Variants in IL1RAPL2 observed in about 807,000 individuals in gnomAD.
IL1RAPL2 encodes the protein interleukin 1 receptor accessory protein like 2, also known as X-linked interleukin-1 receptor accessory protein-like 2.
In IL1RAPL2, 3 loss-of-function variants were observed where a neutral mutation model predicts 44.1. That is an observed-to-expected ratio of 0.07 (90% confidence interval 0.03 to 0.18). The LOEUF is 0.18. IL1RAPL2 is among the 10% of genes least tolerant of loss of function. The probability of loss-of-function intolerance (pLI) is 1.00; values close to 1 mark genes in which losing one functional copy is unlikely to be tolerated. For synonymous variants in IL1RAPL2, 181 were observed against 178.8 expected (o/e 1.01, Z -0.10); for missense variants, 391 against 496.4 (o/e 0.79, Z 2.02).
chrX:104,942,620 T>C lies in IL1RAPL2; in HGVS notation c.83-252855T>C, dbSNP rs144363476. 5.5e-4 allele frequency among the ~76,000 whole-genome samples: 61 copies of C among 111,749 alleles called. 1 individual carries two copies. The highest frequency in any genetic ancestry group is 2.4e-3 in the Admixed American group (25 of 10,480). On this transcript the variant is annotated intron_variant, in intron 2 of 10. Coordinates refer to ENST00000372582, the MANE Select transcript of IL1RAPL2 (RefSeq NM_017416.2). ...CTTAAATGATGGGGTTTTCTAAATA[T>C]ACAATCATGTCGTCTGCAAAAAGGG... is the stretch of plus-strand genomic sequence containing the variant.
In IL1RAPL2 at chrX:105,274,757, G is replaced by A. The variant is rs542670357; in HGVS notation, c.697+7216G>A. ...AGAAAGAAGAGGAAAGGAGAGGAGAGGAAGAAAGGAGAGGAAGAGAGAAGA... is the reference window on the plus strand; with the variant it reads ...AGAAAGAAGAGGAAAGGAGAGGAGAAGAAGAAAGGAGAGGAAGAGAGAAGA... On this transcript the variant is annotated intron_variant, in intron 5 of 10. Transcript: ENST00000372582. 8.1e-4 allele frequency among the ~76,000 whole-genome samples: 91 copies of A among 111,924 alleles called. No homozygotes were observed. The South Asian group carries it at 0.032, about 40-fold the overall frequency.
intron 1 of IL1RAPL2, among the ~76,000 whole-genome samples, chrX:104,586,560 C>T (rs1173981860): frequency 2.7e-5 from 3 of 111,663 alleles, no homozygotes; most frequent in African/African-American, 9.8e-5. Context: ...TAAATAATTG[C>T]TACCAAACTA....
intron 2 of IL1RAPL2, among the ~76,000 whole-genome samples, chrX:104,899,890 A>G (rs1384256722): frequency 8.9e-6 from 1 of 112,258 alleles, no homozygotes; most frequent in Non-Finnish European, 1.9e-5. Flanking sequence ...TTGCTAGACC[A>G]TTATGTTGGT....
chrX:104,907,221 C>G (rs756650739), intron 2 of IL1RAPL2, among the ~76,000 whole-genome samples: 81 of 111,470 alleles, frequency 7.3e-4, no homozygotes, highest in Non-Finnish European at 1.4e-3. Context: ...TGCTAACAGT[C>G]TATCTATTTT....
chrX:105,037,901 A>G (rs2031656945), intron 2 of IL1RAPL2, among the ~76,000 whole-genome samples: 1 of 111,628 alleles, frequency 9.0e-6, no homozygotes. Context: ...GAACACAACT[A>G]GAGGAGGAGT....
At chrX:105,081,515 G>A (rs1489597993) in intron 2 of IL1RAPL2, among the ~76,000 whole-genome samples, 2 of 111,455 alleles carry the variant, frequency 1.8e-5, no homozygotes, top group Non-Finnish European at 3.8e-5. Flanking sequence ...TTTGGCGAAG[G>A]TCTATTGAAT....
rs1338340956 is a variant in IL1RAPL2 at position 105,353,094 on chromosome X, G to A, written c.697+85553G>A. Among the ~76,000 whole-genome samples the A allele has an allele frequency of 3.6e-5, 4 of 111,353 alleles. No individual in the cohort carries two copies. The Admixed American group carries it at 3.8e-4, about 11-fold the overall frequency. ...AACATTTAAGTCTTTAATCCATCTT[G>A]AATTAATTTTTGTATAAGGTGTAAG... is the stretch of plus-strand genomic sequence containing the variant. On this transcript the variant is annotated intron_variant, in intron 5 of 10. Coordinates refer to ENST00000372582, the MANE Select transcript of IL1RAPL2 (RefSeq NM_017416.2).
chrX:105,137,211 G>T (rs1468117947), intron 2 of IL1RAPL2, among the ~76,000 whole-genome samples: 3 of 112,108 alleles, frequency 2.7e-5, no homozygotes, highest in South Asian at 3.7e-4. Flanking sequence ...CTAACTACAG[G>T]TGGCTATTTA....
chrX:104,760,632 T>C (rs1569309490), intron 2 of IL1RAPL2, among the ~76,000 whole-genome samples: 1 of 112,274 alleles, frequency 8.9e-6, no homozygotes, highest in African/African-American at 3.2e-5. Context: ...ATTGGATTTT[T>C]AGATTTTTTT....
intron 5 of IL1RAPL2, among the ~76,000 whole-genome samples, chrX:105,274,184 A>G (rs1030270243): frequency 1.8e-5 from 2 of 112,142 alleles, no homozygotes; most frequent in African/African-American, 6.5e-5. Context: ...TTAGATATCC[A>G]TAAAAAAAGC....
chrX:104,950,610 A>G (rs1925546522), intron 2 of IL1RAPL2, among the ~76,000 whole-genome samples: 2 of 112,767 alleles, frequency 1.8e-5, no homozygotes, highest in Non-Finnish European at 3.7e-5. Context: ...CTGCTGTGCT[A>G]GCAATGAGCG....
chrX:104,799,268 A>G (rs1236527775), intron 2 of IL1RAPL2, among the ~76,000 whole-genome samples: 5 of 111,442 alleles, frequency 4.5e-5, no homozygotes, highest in African/African-American at 1.6e-4. Flanking sequence ...CCTTCCTCCA[A>G]CCAGAATCTT....
chrX:105,160,134 C>G lies in IL1RAPL2; in HGVS notation c.83-35341C>G, dbSNP rs186941840. ...GATAAACACTAGAGCTCAAAGAAAG[C>G]CTTCACCAACTTTTGTTGCCTGGAT... is the stretch of plus-strand genomic sequence containing the variant. On this transcript the variant is annotated intron_variant, in intron 2 of 10. Coordinates refer to ENST00000372582, the MANE Select transcript of IL1RAPL2 (RefSeq NM_017416.2). 4.5e-5 allele frequency among the ~76,000 whole-genome samples: 5 copies of G among 110,231 alleles called. No individual in the cohort carries two copies. The East Asian group carries it at 1.2e-3, about 26-fold the overall frequency.
intron 5 of IL1RAPL2, among the ~76,000 whole-genome samples, chrX:105,336,083 G>A (rs2035026362): frequency 8.9e-6 from 1 of 111,936 alleles, no homozygotes; most frequent in African/African-American, 3.2e-5. Context: ...GAGACTGACT[G>A]AAACTGACTG....
At chrX:105,403,237 C>T (rs1287218443) in intron 5 of IL1RAPL2, among the ~76,000 whole-genome samples, 1 of 111,472 alleles carries the variant, frequency 9.0e-6, no homozygotes, top group African/African-American at 3.3e-5. Context: ...TTTTAATAAT[C>T]AGTGATTTGG....
chrX:104,576,428 A>G (rs187499691), intron 1 of IL1RAPL2, among the ~76,000 whole-genome samples: 1 of 112,352 alleles, frequency 8.9e-6, no homozygotes. Context: ...AGATGGAGCC[A>G]TAGACATAGC....
intron 2 of IL1RAPL2, among the ~76,000 whole-genome samples, chrX:104,886,040 C>T (rs933572551): frequency 8.9e-6 from 1 of 112,869 alleles, no homozygotes; most frequent in Non-Finnish European, 1.9e-5. Context: ...TCCTCCTGGA[C>T]ACTGGCACAG....
At chrX:104,709,500 G>A (rs919225597) in intron 2 of IL1RAPL2, among the ~76,000 whole-genome samples, 1 of 109,728 alleles carries the variant, frequency 9.1e-6, no homozygotes, top group Admixed American at 9.8e-5. Context: ...CTTGCACTTT[G>A]TCTTCTCCGC....
At chrX:105,755,002 A>G (rs753721280) in intron 9 of IL1RAPL2, among the ~76,000 whole-genome samples, 175 bp from the exon 10 acceptor site, 4 of 112,225 alleles carry the variant, frequency 3.6e-5, no homozygotes, top group Non-Finnish European at 7.5e-5. Flanking sequence ...ATAAGTTTCA[A>G]TTCATATATG....
Sources: gnomAD v4.1 joint callset for allele counts (sites outside exome capture counted in the v4.1 genomes callset) on GRCh38, gnomAD v4.1.1 for gene constraint, MANE v1.5 for transcripts, NCBI Gene and HGNC (gene_info 2026-07-23, HGNC 2026-07-21) for gene names.